Variants in AUTS2 observed in about 807,000 individuals in gnomAD.
AUTS2 encodes the protein activator of transcription and developmental regulator AUTS2.
AUTS2 carries 17 observed loss-of-function variants against 112.4 expected under a neutral mutation model. The ratio of observed to expected loss-of-function variants is 0.15; its 90% CI spans 0.10 to 0.23. The LOEUF (loss-of-function observed/expected upper bound fraction) is 0.23. Among genes scored for constraint, AUTS2 ranks in the 10% least tolerant of loss-of-function variants. The probability of loss-of-function intolerance (pLI) is 1.00; values close to 1 mark genes in which losing one functional copy is unlikely to be tolerated. For missense variants in AUTS2, 1,510 were observed against 1,701.6 expected (o/e 0.89, Z 1.98); for synonymous variants, 751 against 702.7 (o/e 1.07, Z -1.09).
chr7:70,642,348 CACTT>C (rs1368527753), intron 5 of AUTS2, among the ~76,000 whole-genome samples: 1 of 151,672 alleles, frequency 6.6e-6, no homozygotes, highest in Non-Finnish European at 1.5e-5. Flanking sequence ...ATTTTGGCCT[CACTT>C]AATGTTCTGG....
At chr7:70,387,239 G>A (rs573805401) in intron 4 of AUTS2, among the ~76,000 whole-genome samples, 4 of 152,226 alleles carry the variant, frequency 2.6e-5, no homozygotes, top group African/African-American at 9.6e-5. Flanking sequence ...CCATGACTCT[G>A]CTCCCGTTAC....
intron 1 of AUTS2, among the ~76,000 whole-genome samples, chr7:69,792,585 T>C (rs1478134997): frequency 1.3e-5 from 2 of 152,120 alleles, no homozygotes; most frequent in Non-Finnish European, 2.9e-5. Context: ...CAGTAGACAT[T>C]GATACAGAGG....
At chr7:70,492,041 G>T (rs1051115256) in intron 5 of AUTS2, among the ~76,000 whole-genome samples, 1 of 152,106 alleles carries the variant, frequency 6.6e-6, no homozygotes, top group African/African-American at 2.4e-5. Context: ...TGTTCCTCAG[G>T]CTGACCACGC....
At chr7:70,029,072 G>T (rs1192487440) in intron 2 of AUTS2, among the ~76,000 whole-genome samples, 1 of 152,060 alleles carries the variant, frequency 6.6e-6, no homozygotes, top group African/African-American at 2.4e-5. Flanking sequence ...CTAGACTGAC[G>T]GGCTGGAATC....
chr7:69,600,110 G>A (rs1562748090), intron 1 of AUTS2, 148 bp downstream of exon 1: 3 of 866,334 alleles, frequency 3.5e-6, no homozygotes, highest in Admixed American at 2.4e-5. Flanking sequence ...TATTGTTGGT[G>A]GGGGGAGCTG....
At chr7:70,483,340 T>A (rs964215200) in intron 5 of AUTS2, among the ~76,000 whole-genome samples, 1 of 152,204 alleles carries the variant, frequency 6.6e-6, no homozygotes, top group Admixed American at 6.5e-5. Context: ...GCAAGTGAAT[T>A]GAGAAGTTCC....
At chr7:69,702,180 T>C (rs748044335) in intron 1 of AUTS2, among the ~76,000 whole-genome samples, 5 of 152,188 alleles carry the variant, frequency 3.3e-5, no homozygotes, top group Admixed American at 6.5e-5. Flanking sequence ...TGGGGATTGA[T>C]TAGTTGCTGG....
intron 13 of AUTS2, chr7:70,776,535 G>A (rs1790701802): frequency 6.4e-6 from 1 of 155,362 alleles, no homozygotes; most frequent in Non-Finnish European, 1.4e-5. Flanking sequence ...CCACCAACAC[G>A]AATGGGTAGT....
chr7:69,760,355 T>A (rs142551991), intron 1 of AUTS2, among the ~76,000 whole-genome samples: 5 of 151,910 alleles, frequency 3.3e-5, no homozygotes, highest in African/African-American at 1.2e-4. Flanking sequence ...GATGATTTTT[T>A]AAAATGAAGA....
intron 3 of AUTS2, among the ~76,000 whole-genome samples, chr7:70,133,790 G>T (rs949777920): frequency 1.3e-5 from 2 of 152,036 alleles, no homozygotes; most frequent in African/African-American, 2.4e-5. Context: ...TACATTTTTT[G>T]GGGGGGCTTC....
intron 4 of AUTS2, among the ~76,000 whole-genome samples, chr7:70,288,446 G>T (rs1222142420): frequency 6.6e-6 from 1 of 152,100 alleles, no homozygotes; most frequent in Non-Finnish European, 1.5e-5. Flanking sequence ...CCTTAGTAAA[G>T]AATTTAATAC....
intron 4 of AUTS2, among the ~76,000 whole-genome samples, chr7:70,214,257 A>T (rs1035582657): frequency 6.6e-6 from 1 of 152,184 alleles, no homozygotes; most frequent in Non-Finnish European, 1.5e-5. Context: ...ATGTGACTAT[A>T]TTAGTATCTC....
intron 4 of AUTS2, among the ~76,000 whole-genome samples, chr7:70,280,326 C>G (rs1788150208): frequency 6.7e-6 from 1 of 149,932 alleles, no homozygotes; most frequent in Admixed American, 6.6e-5. Flanking sequence ...GCTCTGTCCC[C>G]AGGCTGGAGT....
At chr7:70,409,425 A>G (rs1378346250) in intron 4 of AUTS2, among the ~76,000 whole-genome samples, 1 of 152,174 alleles carries the variant, frequency 6.6e-6, no homozygotes, top group East Asian at 1.9e-4. Context: ...ATTAGTTTGG[A>G]GAAAGACTTA....
At chr7:70,238,162 A>C (rs911288876) in intron 4 of AUTS2, among the ~76,000 whole-genome samples, 2 of 152,224 alleles carry the variant, frequency 1.3e-5, no homozygotes, top group Non-Finnish European at 2.9e-5. Context: ...TTCAAAGACT[A>C]AATCTGAGCA....
At chr7:70,387,810 G>A (rs190792210) in intron 4 of AUTS2, among the ~76,000 whole-genome samples, 28 of 152,164 alleles carry the variant, frequency 1.8e-4, no homozygotes, top group African/African-American at 6.5e-4. Context: ...GCTTTCATTG[G>A]CTCTCATTTG....
chr7:70,635,095 TGAATTCCACTCTGC>T (rs1805466294), intron 5 of AUTS2, among the ~76,000 whole-genome samples: 3 of 152,294 alleles, frequency 2.0e-5, no homozygotes, highest in South Asian at 4.2e-4. Flanking sequence ...GAGTGCCTTA[TGAATTCCACTCTGC>T]GAAAAAATTA....
At chr7:70,017,197 A>C (rs1274772329) in intron 2 of AUTS2, among the ~76,000 whole-genome samples, 1 of 152,218 alleles carries the variant, frequency 6.6e-6, no homozygotes, top group Non-Finnish European at 1.5e-5. Context: ...TATTTATCCA[A>C]ATAAAAGATG....
chr7:70,486,907 C>T (rs528513089), intron 5 of AUTS2, among the ~76,000 whole-genome samples: 1 of 116,988 alleles, frequency 8.5e-6, no homozygotes, highest in African/African-American at 3.8e-5. Context: ...TCCCCCCCCC[C>T]CAAAAAAAAA....
Sources: allele counts gnomAD v4.1 joint callset (sites outside exome capture counted in the v4.1 genomes callset), GRCh38; gene constraint gnomAD v4.1.1; transcripts MANE v1.5; gene names NCBI Gene and HGNC (gene_info 2026-07-23, HGNC 2026-07-21).